Variants in CDKL4 observed in about 807,000 individuals in gnomAD.
CDKL4 encodes the protein cyclin-dependent kinase-like 4.
A neutral mutation model predicts 42.0 loss-of-function variants in CDKL4; 44 were observed. That is an observed-to-expected ratio of 1.05 (90% CI 0.82 to 1.35). CDKL4 has a LOEUF of 1.35. CDKL4 is among the 40% of genes most tolerant of loss of function. The probability of loss-of-function intolerance (pLI) is 0.00; values close to 1 mark genes in which losing one functional copy is unlikely to be tolerated. For synonymous variants in CDKL4, 120 were observed against 121.6 expected (o/e 0.99, Z 0.09); for missense variants, 393 against 369.9 (o/e 1.06, Z -0.51).
intron 1 of CDKL4, among the ~76,000 whole-genome samples, chr2:39,230,334 A>AG (rs1679023216): frequency 1.3e-5 from 2 of 152,266 alleles, no homozygotes; most frequent in Admixed American, 6.5e-5. Context: ...ACAAGAGTGA[A>AG]ACTCTGTCTG....
rs551330181 is a variant in CDKL4 at position 39,243,681 on chromosome 2, T to A, written c.-57+190A>T. Reference sequence around the variant, plus strand: ...TCCGCCCCGAGGGACCCTCACCGGGTCAGTGCTGCCACCTCGAATCCGCCC... The same window carrying A: ...TCCGCCCCGAGGGACCCTCACCGGGACAGTGCTGCCACCTCGAATCCGCCC... On this transcript the variant is annotated intron_variant, in intron 1 of 9. Coordinates refer to ENST00000451199, the Ensembl canonical transcript of CDKL4. Among the ~76,000 whole-genome samples, 228 of 152,234 alleles carry A rather than the reference T, an allele frequency of 1.5e-3. 1 individual carries two copies. The highest frequency in any genetic ancestry group is 5.2e-3 in the African/African-American group (216 of 41,554).
At chr2:39,193,743 G>A (rs10427162) in intron 5 of CDKL4, among the ~76,000 whole-genome samples, 121,398 of 152,140 alleles carry the variant, frequency 0.8, 50,966 homozygotes, top group Non-Finnish European at 0.94. Flanking sequence ...AAAGCATAAA[G>A]AAGAAAATAA....
downstream of CDKL4, among the ~76,000 whole-genome samples, chr2:39,173,754 A>G (rs1003233030): frequency 4.0e-5 from 6 of 149,292 alleles, no homozygotes; most frequent in African/African-American, 1.5e-4. Flanking sequence ...AGCAGCTTGC[A>G]GTGAGCCGAG....
chr2:39,178,773 G>C (rs1375106140), intron 9 of CDKL4: 1 of 1,590,262 alleles, frequency 6.3e-7, no homozygotes, highest in Admixed American at 1.8e-5. Flanking sequence ...TGGGTGAAAA[G>C]ATGGAAGAGT....
At chr2:39,178,670 T>C (rs772674569) in intron 9 of CDKL4, 1 of 1,605,976 alleles carries the variant, frequency 6.2e-7, no homozygotes, top group Admixed American at 1.7e-5. Flanking sequence ...TGGGTAGAAT[T>C]TGGTTCCCAG....
At chr2:39,244,925 T>C (rs147804677), upstream of CDKL4, among the ~76,000 whole-genome samples, 240 of 152,126 alleles carry the variant, frequency 1.6e-3, 6 homozygotes, top group East Asian at 0.021. Context: ...TTGGAGAACC[T>C]TTGTGTCGCT....
chr2:39,210,780 T>G (rs1677540633), intron 4 of CDKL4, among the ~76,000 whole-genome samples: 1 of 152,208 alleles, frequency 6.6e-6, no homozygotes, highest in Admixed American at 6.5e-5. Flanking sequence ...AGGATTCCAT[T>G]TGGCATCATC....
intron 5 of CDKL4, among the ~76,000 whole-genome samples, chr2:39,200,345 A>T (rs147932224): frequency 0.023 from 3,456 of 152,286 alleles, 44 homozygotes; most frequent in South Asian, 0.027. Context: ...TAGATGACAC[A>T]AACAAATGGA....
At chr2:39,232,821 G>T (rs972157670) in intron 1 of CDKL4, among the ~76,000 whole-genome samples, 3 of 151,854 alleles carry the variant, frequency 2.0e-5, no homozygotes, top group African/African-American at 4.8e-5. Context: ...TGAGGCGGGC[G>T]GATCACGAGG....
intron 1 of CDKL4, among the ~76,000 whole-genome samples, chr2:39,235,658 G>C (rs1276851914): frequency 6.6e-6 from 1 of 152,102 alleles, no homozygotes; most frequent in Non-Finnish European, 1.5e-5. Flanking sequence ...GAGGCAGAAG[G>C]ATGGTTTGAG....
At chr2:39,214,836 C>G (rs565596120) in intron 3 of CDKL4, among the ~76,000 whole-genome samples, 44 of 152,204 alleles carry the variant, frequency 2.9e-4, no homozygotes, top group African/African-American at 1.0e-3. Flanking sequence ...AGCTTCTTGT[C>G]CCTGGCAGAC....
chr2:39,168,139 T>A, the CDKL4 span, among the ~76,000 whole-genome samples: 1 of 152,128 alleles, frequency 6.6e-6, no homozygotes, highest in African/African-American at 2.4e-5. Flanking sequence ...ATAATAAAAC[T>A]AAAATTGCTT....
chr2:39,195,794 C>T (rs1175202028), intron 5 of CDKL4, among the ~76,000 whole-genome samples: 2 of 151,942 alleles, frequency 1.3e-5, no homozygotes, highest in Admixed American at 6.6e-5. Flanking sequence ...CTGGTTTGAG[C>T]CACTGCGCCC....
At chr2:39,204,772 C>T (rs1254060169) in intron 4 of CDKL4, among the ~76,000 whole-genome samples, 155 bp from the exon 5 acceptor site, 5 of 151,974 alleles carry the variant, frequency 3.3e-5, no homozygotes, top group Admixed American at 1.3e-4. Context: ...GGCAATTTTT[C>T]ACTTGTAACT....
rs1027999229 is a variant in CDKL4 at position 39,220,586 on chromosome 2, GT to G, written c.290+5252del. ...TGGGCACAACTTATTCGAGATTCTGGTTTTTTTTTTCTTTTTTTTGAGATGG... is the reference window on the plus strand; with the variant it reads ...TGGGCACAACTTATTCGAGATTCTGGTTTTTTTTTCTTTTTTTTGAGATGG... On this transcript the variant is annotated intron_variant, in intron 3 of 9. Transcript: ENST00000451199. 8.9e-3 allele frequency among the ~76,000 whole-genome samples: 1,320 copies of G among 149,052 alleles called. 24 individuals are homozygous for G. The highest frequency in any genetic ancestry group is 0.03 in the African/African-American group (1,230 of 40,728).
rs140852147 is a variant in CDKL4, at chr2:39,224,846, T to C, written c.290+993A>G. Among the ~76,000 whole-genome samples the C allele has an allele frequency of 8.1e-3, 1,228 of 152,274 alleles. 9 individuals carry two copies. The highest frequency in any genetic ancestry group is 0.011 in the Non-Finnish European group (762 of 68,020). On this transcript the variant is annotated intron_variant, in intron 3 of 9. Coordinates refer to ENST00000451199, the Ensembl canonical transcript of CDKL4. ...GATACAAATGCTGTTAATTTTTGCA[T>C]GTGGAATCTGTCGTGTTATAGGGGT... is the stretch of plus-strand genomic sequence containing the variant.
At chr2:39,239,567 C>G (rs1166211148) in intron 1 of CDKL4, among the ~76,000 whole-genome samples, 1 of 152,160 alleles carries the variant, frequency 6.6e-6, no homozygotes, top group African/African-American at 2.4e-5. Flanking sequence ...AGACATTTTA[C>G]CAAAGATACA....
exon 10 of CDKL4, chr2:39,176,040 T>A: frequency 2.1e-6 from 1 of 471,038 alleles, no homozygotes. Context: ...GGACTTGTTT[T>A]CTTCCATCAG....
intron 1 of CDKL4, among the ~76,000 whole-genome samples, chr2:39,236,459 C>T (rs1679380303): frequency 6.6e-6 from 1 of 152,068 alleles, no homozygotes; most frequent in Non-Finnish European, 1.5e-5. Flanking sequence ...CTTAAAAGTT[C>T]AATGAATTCC....
Sources: gnomAD v4.1 joint callset for allele counts (sites outside exome capture counted in the v4.1 genomes callset) on GRCh38, gnomAD v4.1.1 for gene constraint, MANE v1.5 for transcripts, NCBI Gene and HGNC (gene_info 2026-07-23, HGNC 2026-07-21) for gene names.